Variants in SMCHD1 observed in about 807,000 individuals in gnomAD.
The protein encoded by SMCHD1 is structural maintenance of chromosomes flexible hinge domain containing 1.
SMCHD1 carries 78 observed loss-of-function variants against 254.7 expected under a neutral mutation model. That is an observed-to-expected ratio of 0.31 (90% CI 0.26 to 0.37). The LOEUF (loss-of-function observed/expected upper bound fraction) is 0.37, where lower values mean the gene tolerates loss of function less well. SMCHD1 is among the 10% of genes least tolerant of loss of function. The probability of loss-of-function intolerance (pLI) is 1.00; values close to 1 mark genes in which losing one functional copy is unlikely to be tolerated. For missense variants in SMCHD1, 1,840 were observed against 2,408.1 expected (o/e 0.76, Z 4.94); for synonymous variants, 766 against 794.9 (o/e 0.96, Z 0.61).
intron 5 of SMCHD1, among the ~76,000 whole-genome samples, chr18:2,675,777 A>C (rs117758091): frequency 0.018 from 2,727 of 152,324 alleles, 40 homozygotes; most frequent in Middle Eastern, 0.099. Flanking sequence ...CAACTGGAAG[A>C]GTAGAAAGAA....
intron 4 of SMCHD1, 22 bp from the exon 5 acceptor site, chr18:2,673,993 T>A: frequency 6.4e-7 from 1 of 1,555,442 alleles, no homozygotes; most frequent in Middle Eastern, 1.7e-4. Flanking sequence ...TCCTGTCTTT[T>A]TGAACTTATT....
chr18:2,749,960 G>A, intron 30 of SMCHD1, 83 bp from the exon 31 acceptor site: 1 of 1,227,464 alleles, frequency 8.1e-7, no homozygotes, highest in Non-Finnish European at 1.1e-6. Context: ...GGAATAGAGG[G>A]AAAGAACATT....
chr18:2,764,074 G>A (rs1033561532), intron 37 of SMCHD1: 13 of 237,208 alleles, frequency 5.5e-5, no homozygotes, highest in South Asian at 1.7e-4. Flanking sequence ...AAAAGCTGCC[G>A]TTATGTGGAT....
chr18:2,764,809 C>T (rs2075840547), intron 37 of SMCHD1, among the ~76,000 whole-genome samples: 1 of 152,032 alleles, frequency 6.6e-6, no homozygotes, highest in South Asian at 2.1e-4. Flanking sequence ...CTATGGGAGT[C>T]CTGGAACTAG....
chr18:2,738,386 T>C lies in SMCHD1; in HGVS notation c.3277-11T>C, dbSNP rs1397229563. The C allele has an allele frequency of 6.4e-6, 10 of 1,570,676 alleles. No homozygotes were observed. Among genetic ancestry groups the C allele is most frequent in the Non-Finnish European group, 8.6e-6 (10 of 1,159,038 alleles). On this transcript the variant is annotated splice_polypyrimidine_tract_variant and intron_variant, in intron 25 of 47. Transcript: ENST00000320876. ...AGCTTTATTATTGTTAAATATCTCTTTTTCTCCTAGGTTAATTGGACTCCT... is the reference window on the plus strand; with the variant it reads ...AGCTTTATTATTGTTAAATATCTCTCTTTCTCCTAGGTTAATTGGACTCCT...
rs374797594 is a variant in SMCHD1, at chr18:2,688,528, A to G, written c.753+20A>G. The G allele has an allele frequency of 3.1e-6, 5 of 1,603,858 alleles. No homozygotes were observed. The African/African-American group carries it at 5.4e-5, about 17-fold the overall frequency. ...GCCAGAGTAAGTAAAAAGATTTCTT[A>G]TAAATGAAAGTTGATCAAAATATTT... On this transcript the variant is annotated intron_variant, in intron 6 of 47. Transcript: ENST00000320876.
chr18:2,674,231 A>G, intron 5 of SMCHD1, 86 bp downstream of exon 5: 1 of 1,127,644 alleles, frequency 8.9e-7, no homozygotes, highest in South Asian at 1.8e-5. Context: ...GATGCATATG[A>G]TACATTGGAG....
At chr18:2,663,985 GATTAC>G (rs1468266907) in intron 1 of SMCHD1, among the ~76,000 whole-genome samples, 1 of 152,090 alleles carries the variant, frequency 6.6e-6, no homozygotes, top group Non-Finnish European at 1.5e-5. Context: ...AAAGTGCTGG[GATTAC>G]AGGTTTGAGC....
At chr18:2,708,456 A>G (rs1243365263) in intron 17 of SMCHD1, among the ~76,000 whole-genome samples, 1 of 152,112 alleles carries the variant, frequency 6.6e-6, no homozygotes, top group East Asian at 1.9e-4. Flanking sequence ...GCTTGAGCCC[A>G]GGAGTTCGAG....
At chr18:2,709,246 A>ATATATATATATATATATATATG (rs759808617) in intron 17 of SMCHD1, among the ~76,000 whole-genome samples, 5,703 of 106,828 alleles carry the variant, frequency 0.053, 169 homozygotes, top group Admixed American at 0.12. Context: ...ATATATATAT[A>ATATATATATATATATATATATG]TATACACACA....
At chr18:2,730,583 A>G (rs1291158151) in intron 24 of SMCHD1, among the ~76,000 whole-genome samples, 5 of 152,190 alleles carry the variant, frequency 3.3e-5, no homozygotes, top group South Asian at 2.1e-4. Flanking sequence ...AAGGTTGTGG[A>G]GTGGGATAAC....
At chr18:2,656,882 C>T (rs1045320100) in intron 1 of SMCHD1, among the ~76,000 whole-genome samples, 2 of 152,192 alleles carry the variant, frequency 1.3e-5, no homozygotes, top group Admixed American at 1.3e-4. Context: ...AGCCCTAACC[C>T]TTGGGAATTT....
At chr18:2,767,675 C>T (rs752556712) in intron 37 of SMCHD1, among the ~76,000 whole-genome samples, 9 of 148,196 alleles carry the variant, frequency 6.1e-5, no homozygotes, top group Non-Finnish European at 7.4e-5. Flanking sequence ...GTGCAACCTC[C>T]GCCTCCTGGG....
intron 24 of SMCHD1, among the ~76,000 whole-genome samples, chr18:2,731,711 C>T (rs1329297395): frequency 6.6e-6 from 1 of 151,994 alleles, no homozygotes; most frequent in Admixed American, 6.6e-5. Context: ...TTTAAAGAAA[C>T]TTGGAAATAA....
At chr18:2,658,834 G>GTA (rs898215108) in intron 1 of SMCHD1, among the ~76,000 whole-genome samples, 1 of 150,184 alleles carries the variant, frequency 6.7e-6, no homozygotes, top group Non-Finnish European at 1.5e-5. Flanking sequence ...ATGTGTGTGT[G>GTA]TATATATATG....
In SMCHD1 at chr18:2,734,212, C is replaced by G. The variant is rs150519500; in HGVS notation, c.3276+1720C>G. 4.1e-3 allele frequency among the ~76,000 whole-genome samples: 626 copies of G among 152,210 alleles called. 5 individuals carry two copies. The highest frequency in any genetic ancestry group is 0.014 in the African/African-American group (595 of 41,522). On this transcript the variant is annotated intron_variant, in intron 25 of 47. Coordinates refer to ENST00000320876, the MANE Select transcript of SMCHD1 (RefSeq NM_015295.3). ...TGGAAAGGAGGTAAGCCATTTTTAT[C>G]TCTATAAGCAGATTTGAAGGTAAGT...
At chr18:2,789,209 T>TA (rs2076282230) in intron 45 of SMCHD1, among the ~76,000 whole-genome samples, 2 of 94,136 alleles carry the variant, frequency 2.1e-5, no homozygotes, top group African/African-American at 7.6e-5. Flanking sequence ...TATTATTATT[T>TA]TTTTTTTTTT....
intron 45 of SMCHD1, among the ~76,000 whole-genome samples, chr18:2,789,694 G>A (rs1598450974): frequency 1.3e-5 from 2 of 152,180 alleles, no homozygotes; most frequent in South Asian, 2.1e-4. Flanking sequence ...AGTTGGAAGC[G>A]CACTCTCAAC....
chr18:2,729,461 GTCT>G (rs1248329043), intron 24 of SMCHD1, 52 bp downstream of exon 24: 1 of 1,263,762 alleles, frequency 7.9e-7, no homozygotes, highest in African/African-American at 1.5e-5. Flanking sequence ...CATACAAATA[GTCT>G]TCAACTGCTT....
Sources: allele counts gnomAD v4.1 joint callset (sites outside exome capture counted in the v4.1 genomes callset), GRCh38; gene constraint gnomAD v4.1.1; transcripts MANE v1.5; gene names NCBI Gene and HGNC (gene_info 2026-07-23, HGNC 2026-07-21).